The following PPP1R3F variants were observed in gnomAD, a reference collection of about 807,000 sequenced individuals.
PPP1R3F encodes protein phosphatase 1 regulatory subunit 3F.
PPP1R3F carries 29 observed loss-of-function variants against 24.2 expected under a neutral mutation model. That is an observed-to-expected ratio of 1.20 (90% confidence interval 0.89 to 1.63). PPP1R3F has a LOEUF of 1.63. Among genes scored for constraint, PPP1R3F ranks in the 40% most tolerant of loss-of-function variants. The pLI, the probability that PPP1R3F is intolerant of heterozygous loss-of-function variation, is 0.00. For synonymous variants in PPP1R3F, 363 were observed against 340.1 expected (o/e 1.07, Z -0.74); for missense variants, 823 against 729.3 (o/e 1.13, Z -1.48).
In PPP1R3F at chrX:49,286,617, G is replaced by A. The variant is rs371627862; in HGVS notation, c.1927G>A (p.Glu643Lys). 8.3e-6 allele frequency: 10 copies of A among 1,209,747 alleles called. No homozygotes were observed. Among genetic ancestry groups the A allele is most frequent in the Non-Finnish European group, 1.1e-5 (10 of 894,869 alleles). Residue 643 changes from glutamate (E) to lysine (K), a missense_variant, in exon 4 of 4, where the codon GAG becomes AAG. Glu to Lys is a moderately conservative substitution (Grantham distance 56, BLOSUM62 1). Transcript: ENST00000055335. Reference sequence around the variant, plus strand: ...AGAGGGTCAGTTCATTGGGGATCCTGAGAAAGGGATGGGCAAGGACACCAG... The same window carrying A: ...AGAGGGTCAGTTCATTGGGGATCCTAAGAAAGGGATGGGCAAGGACACCAG... ...GTEGQFIGDP[E>K]KGMGKDTSSL...
chrX:49,271,054 T>C (rs1326862310), intron 1 of PPP1R3F, among the ~76,000 whole-genome samples, 181 bp downstream of exon 1: 1 of 112,391 alleles, frequency 8.9e-6, no homozygotes, highest in African/African-American at 3.2e-5. Context: ...ACTGGGGTTT[T>C]ATTCCTCCAT....
chrX:49,276,939 G>T (rs1485678504), intron 1 of PPP1R3F, among the ~76,000 whole-genome samples: 1 of 112,514 alleles, frequency 8.9e-6, no homozygotes, highest in Non-Finnish European at 1.9e-5. Context: ...CGGAAAGTCA[G>T]CGTTATCTTC....
At chrX:49,291,729 G>A (rs1410117055), downstream of PPP1R3F, among the ~76,000 whole-genome samples, 6 of 109,667 alleles carry the variant, frequency 5.5e-5, no homozygotes, top group African/African-American at 2.0e-4. Context: ...TCAGCCCTGA[G>A]CTCAGCCCTT....
At chrX:49,292,327 A>C (rs189401530), downstream of PPP1R3F, among the ~76,000 whole-genome samples, 3 of 112,428 alleles carry the variant, frequency 2.7e-5, no homozygotes, top group African/African-American at 9.7e-5. Context: ...TCCATCACTA[A>C]AGAGAGGTTC....
downstream of PPP1R3F, among the ~76,000 whole-genome samples, chrX:49,291,173 G>C (rs1308878345): frequency 9.0e-6 from 1 of 110,687 alleles, no homozygotes; most frequent in Non-Finnish European, 1.9e-5. Context: ...TTTTACTAGA[G>C]ACAGGGTTTT....
chrX:49,290,693 GAC>G (rs1557122255), downstream of PPP1R3F, among the ~76,000 whole-genome samples: 1 of 111,743 alleles, frequency 8.9e-6, no homozygotes, highest in East Asian at 2.8e-4. Context: ...GGGCTGGAGC[GAC>G]ACAGTTTGGG....
In PPP1R3F at chrX:49,270,725, C is replaced by G. The variant is rs782770017; in HGVS notation, c.856C>G (p.Arg286Gly). 3.3e-6 allele frequency: 4 copies of G among 1,206,113 alleles called. No homozygotes were observed. The highest frequency in any genetic ancestry group is 1.8e-5 in the South Asian group (1 of 56,041). ...NHGRNYTVLL[R>G]IAPAPTPTDA... The stretch of plus-strand genomic sequence containing the variant: ...CGGCCGCAACTACACAGTCCTGCTC[C>G]GGATCGCACCCGCTCCCACACCCAC... Residue 286 changes from arginine to glycine, a missense_variant, in exon 1 of 4, where the codon CGG becomes GGG. By Grantham distance (125) the Arg-to-Gly change is moderately radical. Coordinates refer to ENST00000055335, the MANE Select transcript of PPP1R3F (RefSeq NM_033215.5).
intron 1 of PPP1R3F, among the ~76,000 whole-genome samples, chrX:49,279,297 C>T (rs2066233096): frequency 8.9e-6 from 1 of 112,205 alleles, no homozygotes; most frequent in South Asian, 3.7e-4. Context: ...ATGTGAAGCA[C>T]TTAGAACAGT....
downstream of PPP1R3F, among the ~76,000 whole-genome samples, chrX:49,291,306 CTCTCTCTCTCTCTCTCTCTCTG>C (rs1945184184): frequency 5.3e-5 from 5 of 93,776 alleles, no homozygotes; most frequent in South Asian, 3.1e-3. Context: ...CTCTCTCTCT[CTCTCTCTCTCTCTCTCTCTCTG>C]TCTCTCTCCT....
Position 49,287,037 on chromosome X carries a change from G to A in PPP1R3F, c.2347G>A (p.Gly783Ser), listed in dbSNP as rs376682293. ...GGTGGTCCCTGTGGCTCTGAACAGC[G>A]GTGTGTCCCTCCTGGTGCTTGCGCT... Reference protein sequence around the residue: ...LVVVPVALNSGVSLLVLALCL... With the variant: ...LVVVPVALNSSVSLLVLALCL... Residue 783 changes from glycine (G) to serine (S), a missense_variant, in exon 4 of 4, where the codon GGT (glycine) becomes AGT (serine). By Grantham distance (56) the Gly-to-Ser change is moderately conservative. Transcript: ENST00000055335. The A allele has an allele frequency of 3.1e-5, 37 of 1,210,576 alleles. No homozygotes were observed. The highest frequency in any genetic ancestry group is 1.1e-4 in the Admixed American group (5 of 45,940).
At chrX:49,280,061 A>G (rs1557120468) in intron 1 of PPP1R3F, among the ~76,000 whole-genome samples, 1 of 108,383 alleles carries the variant, frequency 9.2e-6, no homozygotes, top group Non-Finnish European at 1.9e-5. Context: ...GCACATCCTG[A>G]CTCCCCGGGG....
chrX:49,289,194 A>T (rs782556932), downstream of PPP1R3F, among the ~76,000 whole-genome samples: 2 of 112,114 alleles, frequency 1.8e-5, no homozygotes, highest in Non-Finnish European at 3.8e-5. Context: ...GTTTTTCTTC[A>T]TCACGACACA....
chrX:49,296,977 AG>A (rs2066324359), intron 3 of PPP1R3F, among the ~76,000 whole-genome samples: 1 of 110,648 alleles, frequency 9.0e-6, no homozygotes. Context: ...GGTGCTGAGA[AG>A]AATGTATATT....
At position 49,270,297 on chromosome X, in the gene PPP1R3F, C is replaced by G; in HGVS notation, c.428C>G (p.Pro143Arg). The change falls in exon 1 of 4, where the codon CCG (proline) becomes CGG (arginine). Residue 143 changes from proline to arginine, a missense_variant. Pro to Arg is a moderately radical substitution (Grantham distance 103, BLOSUM62 -2). Coordinates refer to ENST00000055335, the MANE Select transcript of PPP1R3F (RefSeq NM_033215.5). The stretch of plus-strand genomic sequence containing the variant: ...ATGGTGGAGCTGGAGGCGCTGCTGC[C>G]GCCTCCCGGAGCGGTCCCCGGGGGT... ...RVMVELEALL[P>R]PPGAVPGGAG... 9.1e-7 allele frequency: 1 copy of G among 1,102,067 alleles called. No homozygotes were observed. The highest frequency in any genetic ancestry group is 1.2e-6 in the Non-Finnish European group (1 of 850,196). 90.8% of individuals were successfully genotyped at this position (1,102,067 alleles called of 1,213,427 possible). A position where few individuals can be genotyped will look rare whatever the true frequency, so the allele number is the denominator to read the frequency against.
intron 3 of PPP1R3F, among the ~76,000 whole-genome samples, chrX:49,299,231 C>CTGTT (rs1293212818): frequency 1.8e-5 from 2 of 112,205 alleles, no homozygotes; most frequent in Non-Finnish European, 3.8e-5. Context: ...CTACTCCTTT[C>CTGTT]TGTTTGTTAG....
At chrX:49,271,008 G>T in intron 1 of PPP1R3F, 135 bp downstream of exon 1, 1 of 617,994 alleles carries the variant, frequency 1.6e-6, no homozygotes, top group South Asian at 3.0e-5. Context: ...CAGTCAAAGA[G>T]TGATGGAGGT....
intron 1 of PPP1R3F, among the ~76,000 whole-genome samples, chrX:49,277,577 C>T (rs1412393741): frequency 1.8e-5 from 2 of 112,483 alleles, no homozygotes; most frequent in African/African-American, 3.2e-5. Context: ...CTAAGAACCC[C>T]TCTTCTCTGT....
chrX:49,286,285 G>T lies in PPP1R3F; in HGVS notation c.1595G>T (p.Arg532Leu). The change falls in exon 4 of 4, where the codon CGC becomes CTC. Residue 532 changes from arginine to leucine, a missense_variant. Physicochemically the swap from Arg to Leu is moderately radical, Grantham distance 102. Transcript: ENST00000055335. ...CATCCCCTGGGCATACTGACGGACC[G>T]CGACCTGATCTTGAAGTGGCCTGGC... Reference protein sequence around the residue: ...PSHPLGILTDRDLILKWPGPE... With the variant: ...PSHPLGILTDLDLILKWPGPE... The T allele has an allele frequency of 1.7e-6, 2 of 1,210,985 alleles. No homozygotes were observed. Among genetic ancestry groups the T allele is most frequent in the Middle Eastern group, 2.3e-4 (1 of 4,351 alleles).
chrX:49,300,241 A>C lies in PPP1R3F; in HGVS notation c.393-1110A>C, dbSNP rs181494337. ...ACCGTTCATCACAGCACAGTTCCTCATAACTTCCCTTGGCTAGGGGAAGGA... is the reference window on the plus strand; with the variant it reads ...ACCGTTCATCACAGCACAGTTCCTCCTAACTTCCCTTGGCTAGGGGAAGGA... On this transcript the variant is annotated intron_variant, in intron 3 of 3. Transcript: ENST00000471261. Among the ~76,000 whole-genome samples the C allele has an allele frequency of 3.6e-4, 40 of 110,442 alleles. No individual in the cohort carries two copies. In the East Asian group the frequency reaches 0.012, roughly 32 times the overall value.
Sources: gnomAD v4.1 joint callset for allele counts (sites outside exome capture counted in the v4.1 genomes callset) on GRCh38, gnomAD v4.1.1 for gene constraint, MANE v1.5 for transcripts, NCBI Gene and HGNC (gene_info 2026-07-23, HGNC 2026-07-21) for gene names.